The following DDX1 variants were observed in gnomAD, a reference collection of about 807,000 sequenced individuals.
DDX1 encodes DEAD-box helicase 1.
Under a neutral mutation model 108.7 loss-of-function variants are expected in DDX1, and 28 were observed. The observed-to-expected ratio is 0.26, with a 90% confidence interval of 0.19 to 0.35. The LOEUF (loss-of-function observed/expected upper bound fraction) is 0.35, where lower values mean the gene tolerates loss of function less well. Among genes scored for constraint, DDX1 ranks in the 10% least tolerant of loss-of-function variants. The pLI, the probability that DDX1 is intolerant of heterozygous loss-of-function variation, is 1.00. For synonymous variants in DDX1, 295 were observed against 288.9 expected, an observed-to-expected ratio of 1.02 and a Z score of -0.21; for missense variants, 710 against 884.5, an observed-to-expected ratio of 0.80 and a Z score of 2.50.
intron 12 of DDX1, among the ~76,000 whole-genome samples, 190 bp from the exon 13 acceptor site, chr2:15,606,985 G>A (rs1010513613): frequency 3.9e-5 from 6 of 152,086 alleles, no homozygotes; most frequent in African/African-American, 1.4e-4. Context: ...CACCCCACCA[G>A]CCCAAATAGT....
At chr2:15,609,254 AAGTT>A (rs1665716852) in intron 13 of DDX1, among the ~76,000 whole-genome samples, 2 of 152,350 alleles carry the variant, frequency 1.3e-5, no homozygotes, top group South Asian at 4.1e-4. Flanking sequence ...TTATAGACAA[AAGTT>A]AGAGGGGAAG....
intron 23 of DDX1, 81 bp downstream of exon 23, chr2:15,628,920 C>G: frequency 7.2e-7 from 1 of 1,380,788 alleles, no homozygotes; most frequent in South Asian, 1.2e-5. Flanking sequence ...TTGATTTTCC[C>G]ATTTAAATTT....
At chr2:15,629,893 C>G (rs369527894) in intron 24 of DDX1, 97 bp from the exon 25 acceptor site, 3 of 1,243,768 alleles carry the variant, frequency 2.4e-6, no homozygotes, top group South Asian at 1.5e-5. Flanking sequence ...TCCATTTATA[C>G]CAAGCATTCT....
chr2:15,604,617 G>T (rs1286199934), intron 10 of DDX1, 108 bp downstream of exon 10: 2 of 713,292 alleles, frequency 2.8e-6, no homozygotes, highest in Non-Finnish European at 5.0e-6. Context: ...CTCCCTCCCT[G>T]CCTTTACTTG....
At chr2:15,627,245 A>G (rs988706313) in intron 20 of DDX1, 100 bp downstream of exon 20, 1 of 649,200 alleles carries the variant, frequency 1.5e-6, no homozygotes, top group African/African-American at 1.8e-5. Context: ...TTATTGTCCT[A>G]GAAATTTCAA....
intron 6 of DDX1, 43 bp from the exon 7 acceptor site, chr2:15,602,505 A>G: frequency 6.9e-7 from 1 of 1,441,162 alleles, no homozygotes; most frequent in Non-Finnish European, 9.8e-7. Context: ...GATTTATAAA[A>G]CCTGTACTGA....
At chr2:15,616,955 T>A (rs1558457272) in intron 14 of DDX1, among the ~76,000 whole-genome samples, 1 of 152,200 alleles carries the variant, frequency 6.6e-6, no homozygotes, top group Non-Finnish European at 1.5e-5. Context: ...TGAGTTCCAG[T>A]GAATTCATCA....
At chr2:15,604,166 T>C (rs1006818360) in intron 9 of DDX1, among the ~76,000 whole-genome samples, 1 of 152,232 alleles carries the variant, frequency 6.6e-6, no homozygotes, top group African/African-American at 2.4e-5. Context: ...TTGGCTTTGA[T>C]ACATGTTATT....
intron 14 of DDX1, 45 bp downstream of exon 14, chr2:15,613,329 C>G (rs1234841713): frequency 9.6e-6 from 13 of 1,350,650 alleles, no homozygotes; most frequent in Non-Finnish European, 1.2e-5. Flanking sequence ...CATGGGCTGT[C>G]GTTTTAGCAA....
chr2:15,613,391 A>T, intron 14 of DDX1, 107 bp downstream of exon 14: 1 of 645,840 alleles, frequency 1.5e-6, no homozygotes, highest in Non-Finnish European at 2.6e-6. Flanking sequence ...AATTAGAGCA[A>T]GGTCAGAGGA....
rs145338843 is a variant in DDX1, at chr2:15,606,087, T to C, written c.702+61T>C. On this transcript the variant is annotated intron_variant, in intron 11 of 25. Transcript: ENST00000233084. ...GTTGTAAGCTGCTTACTCTTCATTA[T>C]TTTGTATACGATGGTTTTCAATTAG... The C allele has an allele frequency of 1.2e-3, 1,883 of 1,564,120 alleles. 30 individuals are homozygous for C. The African/African-American group carries it at 0.022, about 19-fold the overall frequency.
intron 6 of DDX1, among the ~76,000 whole-genome samples, chr2:15,602,097 G>A (rs1019546726): frequency 6.6e-6 from 1 of 152,184 alleles, no homozygotes; most frequent in African/African-American, 2.4e-5. Flanking sequence ...AGTCACTCAA[G>A]CTCTAATTTA....
At chr2:15,620,459 T>TAAGCATCACTAAGAGCCCAA in intron 17 of DDX1, 63 bp downstream of exon 17, 1 of 1,334,388 alleles carries the variant, frequency 7.5e-7, no homozygotes, top group Non-Finnish European at 1.0e-6. Context: ...AGGTCAGCCT[T>TAAGCATCACTAAGAGCCCAA]GGGCTCTTAG....
intron 20 of DDX1, 186 bp downstream of exon 20, chr2:15,627,331 A>G (rs927306270): frequency 8.7e-6 from 4 of 460,114 alleles, no homozygotes; most frequent in African/African-American, 4.0e-5. Flanking sequence ...GGTAAATTAT[A>G]CATTCTCTAT....
chr2:15,630,659 G>A (rs990877373), intron 25 of DDX1, 117 bp from the exon 26 acceptor site: 6 of 1,007,968 alleles, frequency 6.0e-6, no homozygotes, highest in Non-Finnish European at 8.9e-6. Flanking sequence ...AACTTGCCCA[G>A]TAGTACATTT....
At chr2:15,594,825 C>T (rs887184383) in intron 1 of DDX1, among the ~76,000 whole-genome samples, 1 of 152,184 alleles carries the variant, frequency 6.6e-6, no homozygotes, top group Non-Finnish European at 1.5e-5. Flanking sequence ...TATTAGGTGA[C>T]AACCATGCTC....
intron 1 of DDX1, among the ~76,000 whole-genome samples, chr2:15,594,769 T>C (rs1665472613): frequency 6.6e-6 from 1 of 152,208 alleles, no homozygotes; most frequent in Admixed American, 6.5e-5. Flanking sequence ...TTGGCAGACT[T>C]TTCACGAGTC....
chr2:15,592,900 A>T (rs75589949), intron 1 of DDX1, among the ~76,000 whole-genome samples: 112 of 44,734 alleles, frequency 2.5e-3, no homozygotes, highest in African/African-American at 4.9e-3. Flanking sequence ...CATGTAAGAT[A>T]TTTTTTTTCT....
intron 16 of DDX1, among the ~76,000 whole-genome samples, chr2:15,619,751 T>TA (rs1665962586): frequency 6.6e-6 from 1 of 152,384 alleles, no homozygotes; most frequent in African/African-American, 2.4e-5. Flanking sequence ...TAAAAATTCT[T>TA]AGTTACTTTG....
Sources: allele counts gnomAD v4.1 joint callset (sites outside exome capture counted in the v4.1 genomes callset), GRCh38; gene constraint gnomAD v4.1.1; transcripts MANE v1.5; gene names NCBI Gene and HGNC (gene_info 2026-07-23, HGNC 2026-07-21).